Variants in CUBN observed in about 807,000 individuals in gnomAD.
CUBN encodes the protein 460 kDa receptor.
Under a neutral mutation model 405.3 loss-of-function variants are expected in CUBN, and 282 were observed. That is an observed-to-expected ratio of 0.70 (90% CI 0.63 to 0.77). The LOEUF is 0.77. CUBN is among the 30% of genes least tolerant of loss of function. The pLI is 0.00. For synonymous variants in CUBN, 1,684 were observed against 1,617.0 expected (o/e 1.04, Z -0.99); for missense variants, 4,514 against 4,475.2 (o/e 1.01, Z -0.25).
intron 58 of CUBN, among the ~76,000 whole-genome samples, chr10:16,872,002 A>G (rs1840367607): frequency 6.6e-6 from 1 of 152,158 alleles, no homozygotes; most frequent in Non-Finnish European, 1.5e-5. Flanking sequence ...AGGCAGGTGG[A>G]CCACTTGAGG....
intron 14 of CUBN, among the ~76,000 whole-genome samples, chr10:17,091,218 TAACAAACAC>T (rs1234988673): frequency 6.6e-6 from 1 of 152,154 alleles, no homozygotes; most frequent in Non-Finnish European, 1.5e-5. Flanking sequence ...AACAAATTAT[TAACAAACAC>T]AACAAACAAA....
rs145373737 is a variant in CUBN, at chr10:17,097,205, T to C, written c.1765+2800A>G. On this transcript the variant is annotated intron_variant, in intron 14 of 66. Coordinates refer to ENST00000377833, the MANE Select transcript of CUBN (RefSeq NM_001081.4). ...ACTAACAAATCCTTGGTAAGACTTATCAAGGTAAAAAAGATAACATAAATT... is the reference window on the plus strand; with the variant it reads ...ACTAACAAATCCTTGGTAAGACTTACCAAGGTAAAAAAGATAACATAAATT... Among the ~76,000 whole-genome samples the C allele has an allele frequency of 3.0e-3, 459 of 152,070 alleles. 4 individuals are homozygous for C. Among genetic ancestry groups the C allele is most frequent in the Middle Eastern group, 6.8e-3 (2 of 294 alleles).
At chr10:17,059,635 G>T in intron 22 of CUBN, among the ~76,000 whole-genome samples, 1 of 150,700 alleles carries the variant, frequency 6.6e-6, no homozygotes. Context: ...GACATATTTG[G>T]TTTAGCATCC....
At position 17,113,659 on chromosome 10, in the gene CUBN, GA is replaced by G. The variant is rs571339779; in HGVS notation, c.883+367del. Among the ~76,000 whole-genome samples, 86 of 152,328 alleles carry G rather than the reference GA, an allele frequency of 5.6e-4. 1 individual carries two copies. In the South Asian group the frequency reaches 9.9e-3, roughly 18 times the overall value. ...AGGCAAGAGCTACTAGACTGTGGTG[GA>G]GATGCAAAGAGGTCAAATAATTTCC... On this transcript the variant is annotated intron_variant, in intron 8 of 66. Coordinates refer to ENST00000377833, the MANE Select transcript of CUBN (RefSeq NM_001081.4).
At chr10:16,998,992 C>G (rs929099915) in intron 28 of CUBN, among the ~76,000 whole-genome samples, 1 of 152,140 alleles carries the variant, frequency 6.6e-6, no homozygotes, top group African/African-American at 2.4e-5. Context: ...CGACTAATTT[C>G]TATACAGCAG....
intron 22 of CUBN, among the ~76,000 whole-genome samples, chr10:17,050,754 T>C (rs956029145): frequency 6.6e-6 from 1 of 152,116 alleles, no homozygotes; most frequent in Non-Finnish European, 1.5e-5. Context: ...AGTAGGGCTC[T>C]CTAGAACTTC....
At chr10:16,926,833 ATCT>A (rs1476311892) in intron 41 of CUBN, among the ~76,000 whole-genome samples, 164 of 151,798 alleles carry the variant, frequency 1.1e-3, no homozygotes, top group East Asian at 8.7e-3. Context: ...CTATCTATCT[ATCT>A]ATCTATCTAG....
Position 16,876,957 on chromosome 10 carries a change from T to G in CUBN, c.9046A>C (p.Asn3016His). The G allele has an allele frequency of 1.2e-6, 2 of 1,614,196 alleles. No homozygotes were observed. Among genetic ancestry groups the G allele is most frequent in the Non-Finnish European group, 1.7e-6 (2 of 1,180,036 alleles). ...PLTIAGPVLL[N>H]FYSNEQITDF... ...GTGATTTGCTCGTTGGAGTAGAAGT[T>G]AAGCAGAACCGGCCCAGCGATGGTG... Residue 3016 changes from asparagine to histidine, a missense_variant, in exon 57 of 67, where the codon AAC becomes CAC. Asn to His is a moderately conservative substitution (Grantham distance 68, BLOSUM62 1). Around this residue, in one of 5 missense-constraint regions of CUBN, gnomAD observed 1,186 missense variants for 1,186.9 expected, o/e 1.00. Transcript: ENST00000377833.
intron 56 of CUBN, among the ~76,000 whole-genome samples, chr10:16,881,136 T>G (rs1323712886): frequency 6.6e-6 from 1 of 152,178 alleles, no homozygotes; most frequent in Non-Finnish European, 1.5e-5. Context: ...CAACAATATA[T>G]CAAGTTATAA....
rs770222481 is a variant in CUBN, at chr10:16,900,808, C to A, written c.8227G>T (p.Ala2743Ser). ...TTCCTGACAGTGACAGAGTCCCAAG[C>A]ACAAGTTGTATGGGGTTCAATATCA... Reference protein sequence around the residue: ...DFDIEPHTTCAWDSVTVRNGG... With the variant: ...DFDIEPHTTCSWDSVTVRNGG... The change falls in exon 53 of 67, where the codon GCT (alanine) becomes TCT (serine). Residue 2743 changes from alanine (A) to serine (S), a missense_variant. Ala to Ser is a moderately conservative substitution (Grantham distance 99, BLOSUM62 1). Around this residue, in one of 5 missense-constraint regions of CUBN, gnomAD observed 1,186 missense variants for 1,186.9 expected, o/e 1.00. Coordinates refer to ENST00000377833, the MANE Select transcript of CUBN (RefSeq NM_001081.4). 2.8e-5 allele frequency: 45 copies of A among 1,613,892 alleles called. No homozygotes were observed. Among genetic ancestry groups the A allele is most frequent in the Non-Finnish European group, 3.5e-5 (41 of 1,179,990 alleles).
At chr10:16,910,475 T>C (rs537624320) in intron 48 of CUBN, among the ~76,000 whole-genome samples, 27 of 152,198 alleles carry the variant, frequency 1.8e-4, no homozygotes, top group Non-Finnish European at 3.7e-4. Context: ...CTGAAAGTGA[T>C]TCGTCGCTGG....
rs531678279 is a variant in CUBN, at chr10:17,116,813, A to G, written c.594-1216T>C. ...GCAGTTTCTAAGGAAGAGGAGAGCA[A>G]TGAGTGTGGCCAGAAATGGAGAATA... is the stretch of plus-strand genomic sequence containing the variant. On this transcript the variant is annotated intron_variant, in intron 6 of 66. Transcript: ENST00000377833. Among the ~76,000 whole-genome samples, 7 of 152,288 alleles carry G rather than the reference A, an allele frequency of 4.6e-5. No individual in the cohort carries two copies. In the South Asian group the frequency reaches 1.5e-3, roughly 32 times the overall value.
intron 22 of CUBN, among the ~76,000 whole-genome samples, chr10:17,063,879 T>C (rs1835555038): frequency 6.6e-6 from 1 of 152,232 alleles, no homozygotes; most frequent in Admixed American, 6.5e-5. Flanking sequence ...TCCAATTCCT[T>C]AATTTTACAG....
chr10:17,068,115 G>C lies in CUBN; in HGVS notation c.2957C>G (p.Thr986Arg). The change falls in exon 21 of 67, where the codon ACA becomes AGA. Residue 986 changes from threonine to arginine, a missense_variant. Thr to Arg is a moderately conservative substitution (Grantham distance 71). Coordinates refer to ENST00000377833, the MANE Select transcript of CUBN (RefSeq NM_001081.4). ...GTCATAAACTTCCAAGTAGTCGTTT[G>C]TGCAATTGTAATGAAACTCCAGATG... ...TFHLEFHYNC[T>R]NDYLEVYDTD... 1 of 1,613,488 alleles carries C rather than the reference G, an allele frequency of 6.2e-7. No individual in the cohort carries two copies. The highest frequency in any genetic ancestry group is 8.5e-7 in the Non-Finnish European group (1 of 1,179,530).
intron 65 of CUBN, 127 bp from the exon 66 acceptor site, chr10:16,829,167 C>A (rs1473352562): frequency 4.0e-6 from 3 of 746,784 alleles, no homozygotes; most frequent in Non-Finnish European, 7.1e-6. Context: ...AGGCAGAAAT[C>A]CCTTTTCCTT....
chr10:17,066,533 GA>G (rs1045174508), intron 21 of CUBN, among the ~76,000 whole-genome samples: 4 of 151,904 alleles, frequency 2.6e-5, no homozygotes, highest in South Asian at 4.2e-4. Flanking sequence ...ATTGCAGTGT[GA>G]AAAAAAATTT....
chr10:16,894,865 T>G (rs1347976177), intron 54 of CUBN, among the ~76,000 whole-genome samples: 2 of 152,164 alleles, frequency 1.3e-5, no homozygotes, highest in African/African-American at 2.4e-5. Flanking sequence ...ATGCCAGCAT[T>G]TCATTATTTT....
chr10:16,922,282 T>C (rs1289717022), intron 43 of CUBN, among the ~76,000 whole-genome samples: 2 of 152,138 alleles, frequency 1.3e-5, no homozygotes, highest in African/African-American at 4.8e-5. Context: ...CCTTCCCTCC[T>C]GCCTCACATC....
At chr10:16,963,163 T>TACA (rs753072912) in intron 31 of CUBN, among the ~76,000 whole-genome samples, 1 of 150,436 alleles carries the variant, frequency 6.6e-6, no homozygotes, top group Non-Finnish European at 1.5e-5. Context: ...TTCTCATATA[T>TACA]ACATTTCTTT....
Sources: gnomAD v4.1 joint callset for allele counts (sites outside exome capture counted in the v4.1 genomes callset) on GRCh38, gnomAD v4.1.1 for gene constraint, gnomAD v4.1.1 regional missense constraint, MANE v1.5 for transcripts, NCBI Gene and HGNC (gene_info 2026-07-23, HGNC 2026-07-21) for gene names.